The following TAF3 variants were observed in gnomAD, a reference collection of about 807,000 sequenced individuals.
The protein encoded by TAF3 is transcription initiation factor TFIID subunit 3.
A neutral mutation model predicts 80.6 loss-of-function variants in TAF3; 7 were observed. That is an observed-to-expected ratio of 0.09 (90% CI 0.05 to 0.16). TAF3 has a LOEUF of 0.16. Ranked by LOEUF, TAF3 falls within the 10% of genes least tolerant of loss-of-function variation. TAF3 has a pLI of 1.00. For synonymous variants in TAF3, 444 were observed against 446.1 expected, an observed-to-expected ratio of 1.00 and a Z score of 0.06; for missense variants, 921 against 1,140.2, an observed-to-expected ratio of 0.81 and a Z score of 2.77.
chr10:7,854,577 A>T (rs958743549), intron 2 of TAF3, among the ~76,000 whole-genome samples: 2 of 149,620 alleles, frequency 1.3e-5, no homozygotes, highest in Non-Finnish European at 3.0e-5. Context: ...CCTGGGGAGG[A>T]GGTAGATCTT....
intron 2 of TAF3, among the ~76,000 whole-genome samples, chr10:7,922,999 T>C (rs1034029066): frequency 2.6e-5 from 4 of 152,098 alleles, no homozygotes; most frequent in African/African-American, 9.7e-5. Flanking sequence ...AAATCATCTA[T>C]ATAGGACTTC....
intron 2 of TAF3, among the ~76,000 whole-genome samples, chr10:7,941,727 A>T (rs1022130195): frequency 1.3e-5 from 2 of 152,090 alleles, no homozygotes; most frequent in African/African-American, 4.8e-5. Flanking sequence ...ACAAGAACTT[A>T]TTTACTTGAA....
rs1374005661 is a variant in TAF3 at position 7,964,561 on chromosome 10, A to C, written c.1051A>C (p.Lys351Gln). The C allele has an allele frequency of 6.2e-6, 10 of 1,614,072 alleles. No individual in the cohort carries two copies. In the Middle Eastern group the frequency reaches 4.9e-4, roughly 80 times the overall value. The change falls in exon 3 of 7, where the codon AAA becomes CAA. Residue 351 changes from lysine (K) to glutamine (Q), a missense_variant. This residue lies in a region of TAF3 where 743 missense variants were observed against 821.0 expected (regional missense o/e 0.90). Coordinates refer to ENST00000344293, the MANE Select transcript of TAF3 (RefSeq NM_031923.4). The surrounding 1 kb of genome is among the most constrained non-coding windows in gnomAD (Gnocchi z 4.1). ...NRTPSATLSE[K>Q]ISKETIQVKQ... Reference sequence around the variant, plus strand: ...GACTCCTTCAGCTACACTCAGTGAAAAAATCAGTAAAGAGACTATCCAGGT... The same window carrying C: ...GACTCCTTCAGCTACACTCAGTGAACAAATCAGTAAAGAGACTATCCAGGT...
chr10:7,840,441 C>T (rs958058150), intron 2 of TAF3, among the ~76,000 whole-genome samples: 29 of 151,504 alleles, frequency 1.9e-4, no homozygotes, highest in Admixed American at 1.3e-3. Flanking sequence ...CATGAGCCAC[C>T]GCGCCCGGCC....
At chr10:7,939,301 C>A (rs1837954291) in intron 2 of TAF3, among the ~76,000 whole-genome samples, 1 of 152,114 alleles carries the variant, frequency 6.6e-6, no homozygotes, top group Non-Finnish European at 1.5e-5. Flanking sequence ...ACTTTCCTCC[C>A]TTTTCTCCAT....
chr10:7,915,670 G>T (rs1300849947), intron 2 of TAF3, among the ~76,000 whole-genome samples: 1 of 147,976 alleles, frequency 6.8e-6, no homozygotes, highest in Non-Finnish European at 1.5e-5. Flanking sequence ...AAGAATCATG[G>T]CACCCTAGGT....
At position 8,006,507 on chromosome 10, in the gene TAF3, G is replaced by A. The variant is rs534135669; in HGVS notation, c.2316-2571G>A. On this transcript the variant is annotated intron_variant, in intron 4 of 6. Transcript: ENST00000344293. ...TGCTCAATAAATATTCATCGGTTAT[G>A]ATGTTAAGCATTTATGAAGTGTCTG... Among the ~76,000 whole-genome samples, 17 of 152,344 alleles carry A rather than the reference G, an allele frequency of 1.1e-4. No individual in the cohort carries two copies. In the East Asian group the frequency reaches 3.1e-3, roughly 28 times the overall value.
At chr10:7,934,827 A>G (rs546606034) in intron 2 of TAF3, among the ~76,000 whole-genome samples, 1 of 152,254 alleles carries the variant, frequency 6.6e-6, no homozygotes, top group Non-Finnish European at 1.5e-5. Context: ...TCAGTTTACT[A>G]ACTAATCTAT....
intron 2 of TAF3, among the ~76,000 whole-genome samples, chr10:7,842,241 G>A (rs1206591125): frequency 3.0e-5 from 4 of 134,226 alleles, no homozygotes; most frequent in South Asian, 4.8e-4. Flanking sequence ...TGGCACGATC[G>A]TAGTTCACTC....
chr10:7,877,914 G>A (rs190466993), intron 2 of TAF3, among the ~76,000 whole-genome samples: 64 of 152,132 alleles, frequency 4.2e-4, no homozygotes, highest in African/African-American at 1.4e-3. Flanking sequence ...ATACTGTAAC[G>A]GCAATTCAGA....
chr10:7,826,470 A>G (rs1378441523), intron 2 of TAF3, among the ~76,000 whole-genome samples: 1 of 151,992 alleles, frequency 6.6e-6, no homozygotes, highest in Admixed American at 6.6e-5. Context: ...TGTTGTTTTG[A>G]TACTGACTTC....
chr10:7,862,624 A>T (rs907418744), intron 2 of TAF3, among the ~76,000 whole-genome samples: 3 of 152,206 alleles, frequency 2.0e-5, no homozygotes, highest in African/African-American at 4.8e-5. Context: ...AATTATGAAG[A>T]TATCCATCAC....
intron 5 of TAF3, among the ~76,000 whole-genome samples, chr10:8,013,300 A>G (rs1832071311): frequency 6.6e-6 from 1 of 152,236 alleles, no homozygotes; most frequent in African/African-American, 2.4e-5. Context: ...TTCCATGCCT[A>G]TGAATGCGAT....
chr10:8,008,977 G>A (rs1210538282), intron 4 of TAF3, 101 bp from the exon 5 acceptor site: 4 of 1,450,302 alleles, frequency 2.8e-6, no homozygotes, highest in East Asian at 3.0e-5. Context: ...GAAGTATTTC[G>A]CTACTGGAAG....
chr10:7,969,642 A>G (rs941180703), intron 3 of TAF3, among the ~76,000 whole-genome samples: 4 of 152,198 alleles, frequency 2.6e-5, no homozygotes, highest in African/African-American at 9.7e-5. Flanking sequence ...GGTTATACCT[A>G]TATTCTTAAA....
chr10:7,974,750 A>G (rs1199257770), intron 3 of TAF3, among the ~76,000 whole-genome samples: 1 of 152,172 alleles, frequency 6.6e-6, no homozygotes, highest in East Asian at 1.9e-4. Flanking sequence ...AGAAGTTAAG[A>G]AAATGTTTAA....
At chr10:7,985,006 G>A (rs1831762525) in intron 4 of TAF3, among the ~76,000 whole-genome samples, 1 of 152,138 alleles carries the variant, frequency 6.6e-6, no homozygotes, top group African/African-American at 2.4e-5. Flanking sequence ...GTTATGTTAT[G>A]GGCCTATACT....
At chr10:7,864,707 T>C (rs939281865) in intron 2 of TAF3, among the ~76,000 whole-genome samples, 14 of 152,238 alleles carry the variant, frequency 9.2e-5, no homozygotes, top group Non-Finnish European at 1.5e-4. Context: ...TCATCAGTTT[T>C]TTATCATCTA....
chr10:7,945,617 TACCC>T (rs1333099687), intron 2 of TAF3, among the ~76,000 whole-genome samples: 1 of 148,886 alleles, frequency 6.7e-6, no homozygotes, highest in Non-Finnish European at 1.5e-5. Context: ...CTACAGTAAC[TACCC>T]ACCCGGCTAC....
Sources: gnomAD v4.1 joint callset for allele counts (sites outside exome capture counted in the v4.1 genomes callset) on GRCh38, gnomAD v4.1.1 for gene constraint, gnomAD v4.1.1 regional missense constraint, Gnocchi (gnomAD v3.1) non-coding constraint, MANE v1.5 for transcripts, NCBI Gene and HGNC (gene_info 2026-07-23, HGNC 2026-07-21) for gene names.